Variants in ADD3 observed in about 807,000 individuals in gnomAD.
ADD3 encodes gamma-adducin.
ADD3 carries 25 observed loss-of-function variants against 80.2 expected under a neutral mutation model. That is an observed-to-expected ratio of 0.31 (90% confidence interval 0.23 to 0.44). ADD3 has a LOEUF of 0.44. ADD3 is among the 20% of genes least tolerant of loss of function. The pLI is 1.00. For missense variants in ADD3, 829 were observed against 847.5 expected (o/e 0.98, Z 0.27); for synonymous variants, 284 against 289.6 (o/e 0.98, Z 0.20).
At chr10:110,079,022 C>G (rs1845708657) in intron 1 of ADD3, among the ~76,000 whole-genome samples, 1 of 152,076 alleles carries the variant, frequency 6.6e-6, no homozygotes, top group African/African-American at 2.4e-5. Flanking sequence ...TTACCAAGCC[C>G]TGTGAATCTG....
chr10:110,052,378 A>G (rs1320518306), intron 1 of ADD3, among the ~76,000 whole-genome samples: 2 of 152,162 alleles, frequency 1.3e-5, no homozygotes, highest in Non-Finnish European at 2.9e-5. Flanking sequence ...GTGGCAGGCA[A>G]GTGAGCATAA....
upstream of ADD3, among the ~76,000 whole-genome samples, chr10:110,002,003 C>T (rs750546900): frequency 3.4e-4 from 52 of 152,088 alleles, no homozygotes; most frequent in Admixed American, 1.3e-3. Flanking sequence ...TAGAAACTAG[C>T]GATTCTTGGC....
intron 1 of ADD3, among the ~76,000 whole-genome samples, chr10:110,024,382 A>T (rs1262256154): frequency 6.6e-6 from 1 of 152,242 alleles, no homozygotes; most frequent in African/African-American, 2.4e-5. Context: ...AATCACATGC[A>T]GAATTATTTT....
At chr10:110,046,220 A>G (rs1391572809) in intron 1 of ADD3, among the ~76,000 whole-genome samples, 1 of 152,216 alleles carries the variant, frequency 6.6e-6, no homozygotes, top group Non-Finnish European at 1.5e-5. Flanking sequence ...TATGGTATCA[A>G]TAAATACAGT....
intron 8 of ADD3, among the ~76,000 whole-genome samples, chr10:110,120,684 A>G (rs963636008): frequency 1.2e-4 from 18 of 152,198 alleles, no homozygotes; most frequent in African/African-American, 3.6e-4. Flanking sequence ...GAGAGCCCGC[A>G]TCGCCAAGTC....
At chr10:110,078,729 T>A (rs549585966) in intron 1 of ADD3, among the ~76,000 whole-genome samples, 1 of 152,270 alleles carries the variant, frequency 6.6e-6, no homozygotes, top group Admixed American at 6.5e-5. Context: ...CTGAAATAAA[T>A]CTCTCTTACA....
chr10:110,050,925 C>T (rs1188662190), intron 1 of ADD3, among the ~76,000 whole-genome samples: 1 of 152,186 alleles, frequency 6.6e-6, no homozygotes, highest in Non-Finnish European at 1.5e-5. Context: ...TGAACCCTCT[C>T]ATATATCAGT....
At chr10:110,115,362 C>T (rs947301903) in intron 3 of ADD3, among the ~76,000 whole-genome samples, 4 of 151,812 alleles carry the variant, frequency 2.6e-5, no homozygotes, top group Admixed American at 1.3e-4. Context: ...GCACTCAAAC[C>T]TGGGCAACAA....
At chr10:110,072,308 C>G (rs1317908464) in intron 1 of ADD3, among the ~76,000 whole-genome samples, 1 of 152,092 alleles carries the variant, frequency 6.6e-6, no homozygotes, top group Non-Finnish European at 1.5e-5. Flanking sequence ...CTCGTGATCC[C>G]CCAGCCTCGG....
intron 1 of ADD3, among the ~76,000 whole-genome samples, chr10:110,027,498 T>A (rs1318178685): frequency 6.6e-6 from 1 of 152,238 alleles, no homozygotes; most frequent in African/African-American, 2.4e-5. Context: ...ACCTAATATA[T>A]TTAAAATATA....
chr10:110,015,614 TC>T lies in ADD3; in HGVS notation c.-30+7317del, dbSNP rs201967644. 7.3e-3 allele frequency among the ~76,000 whole-genome samples: 1,105 copies of T among 152,234 alleles called. 7 individuals carry two copies. Among genetic ancestry groups the T allele is most frequent in the Middle Eastern group, 0.017 (5 of 294 alleles). ...TGGTCTCGATCTCCTGACCTCGTGA[TC>T]CGTCCGCCTCGGCCTCCCAAAGTTC... On this transcript the variant is annotated intron_variant, in intron 1 of 14. Transcript: ENST00000356080.
At chr10:110,072,114 C>T (rs1325973108) in intron 1 of ADD3, among the ~76,000 whole-genome samples, 7 of 152,124 alleles carry the variant, frequency 4.6e-5, no homozygotes, top group African/African-American at 1.2e-4. Flanking sequence ...CAGGCTGGAG[C>T]GCAGTGGCGC....
At position 110,133,474 on chromosome 10, in the gene ADD3, G is replaced by A. The variant is rs1210834926; in HGVS notation, c.1977G>A (p.Glu659=). 1.3e-5 allele frequency: 21 copies of A among 1,613,856 alleles called. No homozygotes were observed. Among genetic ancestry groups the A allele is most frequent in the Non-Finnish European group, 1.7e-5 (20 of 1,179,880 alleles). Residue 659 remains glutamate, a synonymous_variant, in exon 15 of 15, where the codon GAG becomes GAA. Coordinates refer to ENST00000356080, the MANE Select transcript of ADD3 (RefSeq NM_016824.5). ...CAAGTACAACCATAGAAAACATCGA[G>A]ATTACTATTAAGTCTCCAGAGAAAA... ...LSTSTTIENI[E]ITIKSPEKIE...
chr10:110,106,040 T>C (rs1030150270), intron 2 of ADD3: 1 of 152,120 alleles, frequency 6.6e-6, no homozygotes, highest in Non-Finnish European at 1.5e-5. Flanking sequence ...CATTTCTTAA[T>C]GGAGAAATTC....
chr10:110,130,266 C>T (rs1852784379), intron 12 of ADD3, 97 bp from the exon 13 acceptor site: 1 of 1,242,678 alleles, frequency 8.0e-7, no homozygotes, highest in East Asian at 2.4e-5. Flanking sequence ...GCTTCACAAA[C>T]ATCATATTTG....
chr10:110,111,318 A>C (rs923501108), intron 2 of ADD3, among the ~76,000 whole-genome samples: 2 of 152,220 alleles, frequency 1.3e-5, no homozygotes, highest in Non-Finnish European at 2.9e-5. Context: ...CTTATGTTGC[A>C]AGAACCTTCA....
chr10:110,059,290 G>A (rs1381069418), intron 1 of ADD3, among the ~76,000 whole-genome samples: 2 of 152,146 alleles, frequency 1.3e-5, no homozygotes, highest in East Asian at 1.9e-4. Flanking sequence ...TGGCCAAAAT[G>A]GTGAAGTCCT....
At chr10:110,116,143 CAG>C in intron 3 of ADD3, 114 bp from the exon 4 acceptor site, 1 of 920,136 alleles carries the variant, frequency 1.1e-6, no homozygotes, top group Non-Finnish European at 1.6e-6. Flanking sequence ...TGATAAATTT[CAG>C]ATTATTATAT....
intron 1 of ADD3, among the ~76,000 whole-genome samples, chr10:110,099,278 A>G (rs1233937095): frequency 3.9e-5 from 6 of 152,026 alleles, no homozygotes; most frequent in Non-Finnish European, 7.4e-5. Flanking sequence ...TACTGTAAGT[A>G]CTATTTTTAA....
Sources: gnomAD v4.1 joint callset for allele counts (sites outside exome capture counted in the v4.1 genomes callset) on GRCh38, gnomAD v4.1.1 for gene constraint, MANE v1.5 for transcripts, NCBI Gene and HGNC (gene_info 2026-07-23, HGNC 2026-07-21) for gene names.